ABCC9: variants seen among roughly 807,000 people sequenced by gnomAD.
ABCC9 encodes the protein ATP binding cassette subfamily C member 9, also known as ATP-binding cassette sub-family C member 9.
In ABCC9, 95 loss-of-function variants were observed where a neutral mutation model predicts 188.3. The ratio of observed to expected loss-of-function variants is 0.50; its 90% CI spans 0.43 to 0.60. The LOEUF (loss-of-function observed/expected upper bound fraction) is 0.60, where lower values mean the gene tolerates loss of function less well. ABCC9 is among the 20% of genes least tolerant of loss of function. The pLI is 0.00. For synonymous variants in ABCC9, 659 were observed against 652.7 expected (o/e 1.01, Z -0.15); for missense variants, 1,102 against 1,876.3 (o/e 0.59, Z 7.62).
At chr12:21,932,065 C>T (rs1377224686) in intron 4 of ABCC9, among the ~76,000 whole-genome samples, 1 of 152,052 alleles carries the variant, frequency 6.6e-6, no homozygotes, top group Non-Finnish European at 1.5e-5. Flanking sequence ...TTTAGACTTT[C>T]CTATCAAAAA....
rs1292869379 is a variant in ABCC9 at position 21,895,280 on chromosome 12, G to C, written c.1654C>G (p.Leu552Val). The change falls in exon 13 of 40, where the codon CTT (leucine) becomes GTT (valine). Residue 552 changes from leucine (L) to valine (V), a missense_variant. Transcript: ENST00000261200. ...AGAGAGAAAAAGTGTCTTACAGCAA[G>C]AACAGCTGCTATGGGAATTGCTGCA... ...MNAAIPIAAV[L>V]ATFVTHAYAS... The C allele has an allele frequency of 4.3e-6, 7 of 1,613,282 alleles. No homozygotes were observed. The highest frequency in any genetic ancestry group is 5.1e-6 in the Non-Finnish European group (6 of 1,179,410).
chr12:21,888,643 G>A (rs1407604608), intron 14 of ABCC9, among the ~76,000 whole-genome samples: 1 of 152,050 alleles, frequency 6.6e-6, no homozygotes, highest in Non-Finnish European at 1.5e-5. Flanking sequence ...CATTTGAGAG[G>A]CCCTGCTCTA....
chr12:21,881,447 A>G (rs1407752721), intron 16 of ABCC9, among the ~76,000 whole-genome samples: 1 of 152,220 alleles, frequency 6.6e-6, no homozygotes, highest in African/African-American at 2.4e-5. Context: ...TTTGGAAAAA[A>G]AATTCATAAT....
chr12:21,829,483 G>A (rs1224115063), intron 30 of ABCC9, among the ~76,000 whole-genome samples: 1 of 152,180 alleles, frequency 6.6e-6, no homozygotes. Context: ...TTACAGGCGT[G>A]TGCCACCGCA....
chr12:21,836,668 TC>T (rs1329891349), intron 30 of ABCC9, among the ~76,000 whole-genome samples: 3 of 152,106 alleles, frequency 2.0e-5, no homozygotes, highest in East Asian at 1.9e-4. Flanking sequence ...GGCTGTGAGC[TC>T]CTTAACACAG....
intron 38 of ABCC9, 88 bp from the exon 39 acceptor site, chr12:21,806,148 C>T: frequency 8.7e-7 from 1 of 1,155,188 alleles, no homozygotes; most frequent in South Asian, 1.3e-5. Flanking sequence ...TCCACTGAAT[C>T]CCTTGTGAGC....
In ABCC9 at chr12:21,845,503, T is replaced by A. The variant is rs78632205; in HGVS notation, c.3096+100A>T. ...ACTTATTAAATTATCACAGAAGTCCTATGGCATTTGGGATATAAGCATCTA... is the reference window on the plus strand; with the variant it reads ...ACTTATTAAATTATCACAGAAGTCCAATGGCATTTGGGATATAAGCATCTA... On this transcript the variant is annotated intron_variant, in intron 26 of 39. Coordinates refer to ENST00000261200, the MANE Select transcript of ABCC9 (RefSeq NM_020297.4). 1.7e-3 allele frequency: 1,533 copies of A among 881,106 alleles called. 10 individuals carry two copies. In the African/African-American group the frequency reaches 0.023, roughly 13 times the overall value. The allele number at this position is 881,106 out of a possible 1,614,324, so 54.6% of individuals were successfully genotyped here.
rs200013400 is a variant in ABCC9, at chr12:21,831,055, AT to A, written c.3567-1996del. On this transcript the variant is annotated intron_variant, in intron 30 of 39. Transcript: ENST00000261200. ...CTCTATATACACACACGCAAGGCTC[AT>A]TTTTTTTTTTTTTTTGAGACAGTCT... 1,265 of 133,978 alleles carry A rather than the reference AT, an allele frequency of 9.4e-3. 9 individuals are homozygous for A. The highest frequency in any genetic ancestry group is 0.027 in the Admixed American group (365 of 13,364). The allele number at this position is 133,978 out of a possible 1,614,324, so 8.3% of individuals were successfully genotyped here. A position where few individuals can be genotyped will look rare whatever the true frequency, so the allele number is the denominator to read the frequency against.
rs183354086 is a variant in ABCC9 at position 21,869,884 on chromosome 12, A to G, written c.2198+2741T>C. The stretch of plus-strand genomic sequence containing the variant: ...ACTCAGTAAATGTTGAATGAAAAAG[A>G]AAGGACTAAGAAATAAAATATCTGT... On this transcript the variant is annotated intron_variant, in intron 18 of 39. Transcript: ENST00000261200. Among the ~76,000 whole-genome samples, 69 of 152,346 alleles carry G rather than the reference A, an allele frequency of 4.5e-4. No homozygotes were observed. In the East Asian group the frequency reaches 0.012, roughly 27 times the overall value.
intron 31 of ABCC9, among the ~76,000 whole-genome samples, chr12:21,821,057 A>T (rs1943007430): frequency 6.6e-6 from 1 of 152,178 alleles, no homozygotes; most frequent in Admixed American, 6.5e-5. Flanking sequence ...TGACTAGATA[A>T]ATTCACCCCT....
chr12:21,906,271 T>C lies in ABCC9; in HGVS notation c.1473A>G (p.Arg491=), dbSNP rs777181850. 1 of 1,611,020 alleles carries C rather than the reference T, an allele frequency of 6.2e-7. No homozygotes were observed. The highest frequency in any genetic ancestry group is 1.1e-5 in the South Asian group (1 of 90,896). The change falls in exon 12 of 40, where the codon AGA becomes AGG. Residue 491 remains arginine (R), a synonymous_variant. Coordinates refer to ENST00000261200, the MANE Select transcript of ABCC9 (RefSeq NM_020297.4). ...TCAATATTTCATTTGTTTTCTTGAGTCTCTCAGTGGAATAATCCTATAAAA... is the reference window on the plus strand; with the variant it reads ...TCAATATTTCATTTGTTTTCTTGAGCCTCTCAGTGGAATAATCCTATAAAA... ...QKSTLDYSTE[R]LKKTNEILKG...
chr12:21,862,888 T>C, intron 20 of ABCC9, 65 bp downstream of exon 20: 1 of 1,075,718 alleles, frequency 9.3e-7, no homozygotes. Context: ...CCATTGTTCA[T>C]TCCCAAACAC....
At chr12:21,924,730 A>T (rs1948980912) in intron 5 of ABCC9, 1 of 151,958 alleles carries the variant, frequency 6.6e-6, no homozygotes, top group Admixed American at 6.6e-5. Context: ...TTAAATTCTC[A>T]ATTTCACATA....
At chr12:21,821,340 T>G (rs1385229335) in intron 31 of ABCC9, among the ~76,000 whole-genome samples, 1 of 152,192 alleles carries the variant, frequency 6.6e-6, no homozygotes, top group African/African-American at 2.4e-5. Flanking sequence ...TTAAGTGTTA[T>G]GAGTTATTTC....
intron 22 of ABCC9, among the ~76,000 whole-genome samples, chr12:21,857,899 C>A (rs184105357): frequency 1.3e-5 from 2 of 152,036 alleles, no homozygotes; most frequent in African/African-American, 2.4e-5. Flanking sequence ...ATTAAGTCAC[C>A]AATTATGGCA....
At chr12:21,904,691 C>G (rs1384024283) in intron 12 of ABCC9, among the ~76,000 whole-genome samples, 1 of 152,242 alleles carries the variant, frequency 6.6e-6, no homozygotes, top group Non-Finnish European at 1.5e-5. Context: ...CTCATCATCA[C>G]TGGCCATCAG....
At chr12:21,838,913 C>A (rs972319582) in intron 29 of ABCC9, among the ~76,000 whole-genome samples, 3 of 152,154 alleles carry the variant, frequency 2.0e-5, no homozygotes, top group African/African-American at 7.2e-5. Flanking sequence ...GTAATCCCAG[C>A]TACTCAGGAG....
At chr12:21,839,297 G>C (rs1944259689) in intron 29 of ABCC9, among the ~76,000 whole-genome samples, 1 of 152,180 alleles carries the variant, frequency 6.6e-6, no homozygotes, top group Non-Finnish European at 1.5e-5. Context: ...GTCACATATA[G>C]CTTGGCTATT....
At chr12:21,897,285 G>GT (rs1176746454) in intron 12 of ABCC9, among the ~76,000 whole-genome samples, 2 of 152,034 alleles carry the variant, frequency 1.3e-5, no homozygotes, top group African/African-American at 4.8e-5. Context: ...TCATAAATTT[G>GT]TTTAAGTTCC....
Sources: allele counts gnomAD v4.1 joint callset (sites outside exome capture counted in the v4.1 genomes callset), GRCh38; gene constraint gnomAD v4.1.1; transcripts MANE v1.5; gene names NCBI Gene and HGNC (gene_info 2026-07-23, HGNC 2026-07-21).